Variants in RAVER2 observed in about 807,000 individuals in gnomAD.
The protein encoded by RAVER2 is ribonucleoprotein PTB-binding 2.
Under a neutral mutation model 78.1 loss-of-function variants are expected in RAVER2, and 46 were observed. The ratio of observed to expected loss-of-function variants is 0.59; its 90% CI spans 0.46 to 0.75. RAVER2 has a LOEUF of 0.75. Among genes scored for constraint, RAVER2 ranks in the 30% least tolerant of loss-of-function variants. The probability of loss-of-function intolerance (pLI) is 0.00; values close to 1 mark genes in which losing one functional copy is unlikely to be tolerated. For missense variants in RAVER2, 793 were observed against 837.5 expected, an observed-to-expected ratio of 0.95 and a Z score of 0.66; for synonymous variants, 311 against 313.3, an observed-to-expected ratio of 0.99 and a Z score of 0.08.
intron 5 of RAVER2, among the ~76,000 whole-genome samples, chr1:64,789,795 A>G (rs1411119898): frequency 6.6e-6 from 1 of 152,188 alleles, no homozygotes; most frequent in East Asian, 1.9e-4. Flanking sequence ...ACATGAATTT[A>G]TAGACCAAGG....
intron 11 of RAVER2, among the ~76,000 whole-genome samples, chr1:64,819,121 T>C (rs1238611065): frequency 6.6e-6 from 1 of 152,074 alleles, no homozygotes; most frequent in Non-Finnish European, 1.5e-5. Flanking sequence ...AATTACTAGA[T>C]AGTTGAAGAA....
intron 8 of RAVER2, 88 bp from the exon 9 acceptor site, chr1:64,807,117 AT>A: frequency 7.0e-7 from 1 of 1,436,306 alleles, no homozygotes; most frequent in Non-Finnish European, 9.3e-7. Flanking sequence ...GTTTCTCTGC[AT>A]TTTGCTCATA....
chr1:64,804,470 A>G (rs1424652137), intron 6 of RAVER2, among the ~76,000 whole-genome samples: 3 of 152,182 alleles, frequency 2.0e-5, no homozygotes, highest in African/African-American at 4.8e-5. Flanking sequence ...AATGAATAGA[A>G]TGTCACTGTC....
exon 3 of RAVER2, chr1:64,777,670 A>G: frequency 1.2e-6 from 2 of 1,613,932 alleles, no homozygotes; most frequent in East Asian, 2.2e-5. Context: ...CGCAATTCAG[A>G]TGTTTCATCA....
At chr1:64,774,447 C>T (rs1020100157) in intron 2 of RAVER2, among the ~76,000 whole-genome samples, 5 of 152,206 alleles carry the variant, frequency 3.3e-5, no homozygotes, top group African/African-American at 1.2e-4. Flanking sequence ...CTTTCCCCAT[C>T]GCTTGTTTTG....
In RAVER2 at chr1:64,830,795, C is replaced by T. The variant is rs1654107902; in HGVS notation, c.1930-44C>T. 3 of 1,501,518 alleles carry T rather than the reference C, an allele frequency of 2.0e-6. No individual in the cohort carries two copies. The East Asian group carries it at 6.9e-5, about 34-fold the overall frequency. The allele number at this position is 1,501,518 out of a possible 1,614,324, so 93.0% of individuals were successfully genotyped here. Reference sequence around the variant, plus strand: ...TTATAAATATCTTTAATGAATAAGCCAACTTTAGATTTTAAAACTAGCTGC... The same window carrying T: ...TTATAAATATCTTTAATGAATAAGCTAACTTTAGATTTTAAAACTAGCTGC... On this transcript the variant is annotated intron_variant, in intron 11 of 11. Transcript: ENST00000294428.
At position 64,804,634 on chromosome 1, in the gene RAVER2, T is replaced by C; in HGVS notation, c.1192-100T>C. ...TGAAATATGTTTAGAAGCAGTTACT[T>C]TTACTCAGATCGACTGGAGAATTGA... On this transcript the variant is annotated intron_variant, in intron 6 of 11. Transcript: ENST00000294428. 14 of 612,076 alleles carry C rather than the reference T, an allele frequency of 2.3e-5. No individual in the cohort carries two copies. In the South Asian group the frequency reaches 3.0e-4, roughly 13 times the overall value. 37.9% of individuals were successfully genotyped at this position (612,076 alleles called of 1,614,324 possible).
chr1:64,779,955 T>C (rs10493371), intron 3 of RAVER2, among the ~76,000 whole-genome samples: 15,257 of 152,002 alleles, frequency 0.1, 1,066 homozygotes, highest in East Asian at 0.28. Flanking sequence ...GGCTCTCATA[T>C]TGAACTGAAA....
intron 2 of RAVER2, among the ~76,000 whole-genome samples, chr1:64,772,558 A>C (rs1484075498): frequency 6.6e-6 from 1 of 152,142 alleles, no homozygotes; most frequent in African/African-American, 2.4e-5. Context: ...AGCAATGTTC[A>C]AGATAGAGAG....
chr1:64,832,728 C>CTAAGTATACTACCTA (rs1553157255), exon 12 of RAVER2: 1 of 152,144 alleles, frequency 6.6e-6, no homozygotes, highest in African/African-American at 2.4e-5. Context: ...AAGGTAATTT[C>CTAAGTATACTACCTA]TAAGTATACT....
chr1:64,802,252 C>T (rs981752826), intron 5 of RAVER2, among the ~76,000 whole-genome samples: 1 of 152,184 alleles, frequency 6.6e-6, no homozygotes, highest in Non-Finnish European at 1.5e-5. Flanking sequence ...CCTCCTGTCT[C>T]ATCCTATGAC....
At position 64,804,645 on chromosome 1, in the gene RAVER2, C is replaced by T. The variant is rs369404054; in HGVS notation, c.1192-89C>T. On this transcript the variant is annotated intron_variant, in intron 6 of 11. Coordinates refer to ENST00000294428, the Ensembl canonical transcript of RAVER2. ...TAGAAGCAGTTACTTTTACTCAGAT[C>T]GACTGGAGAATTGAACTTCAAAATG... 52 of 638,314 alleles carry T rather than the reference C, an allele frequency of 8.1e-5. 7 individuals carry two copies. The highest frequency in any genetic ancestry group is 2.0e-4 in the Admixed American group (7 of 34,390). 39.5% of individuals were successfully genotyped at this position (638,314 alleles called of 1,614,324 possible). A position where few individuals can be genotyped will look rare whatever the true frequency, so the allele number is the denominator to read the frequency against.
At chr1:64,762,526 A>C (rs1652050756) in intron 1 of RAVER2, among the ~76,000 whole-genome samples, 1 of 152,198 alleles carries the variant, frequency 6.6e-6, no homozygotes, top group Admixed American at 6.5e-5. Context: ...ATAAAGCTCA[A>C]ATAATTTGTT....
intron 4 of RAVER2, among the ~76,000 whole-genome samples, chr1:64,787,911 T>G (rs1331334786): frequency 6.6e-6 from 1 of 152,232 alleles, no homozygotes; most frequent in Non-Finnish European, 1.5e-5. Flanking sequence ...TGTCAGTTTC[T>G]TGGATGCATC....
chr1:64,830,773 T>C, intron 11 of RAVER2, 66 bp from the exon 12 acceptor site: 2 of 1,393,584 alleles, frequency 1.4e-6, no homozygotes, highest in Non-Finnish European at 2.0e-6. Flanking sequence ...GCTTTTCTTA[T>C]AAATATCTTT....
At chr1:64,761,657 A>G (rs1050636454) in intron 1 of RAVER2, among the ~76,000 whole-genome samples, 3 of 152,208 alleles carry the variant, frequency 2.0e-5, no homozygotes, top group South Asian at 4.1e-4. Flanking sequence ...GGAACAATAC[A>G]GGGATCACTG....
exon 6 of RAVER2, chr1:64,803,027 C>G (rs764101143): frequency 6.2e-7 from 1 of 1,608,386 alleles, no homozygotes; most frequent in Non-Finnish European, 8.5e-7. Flanking sequence ...CCATCCATCT[C>G]TCCTGCATTT....
exon 12 of RAVER2, chr1:64,830,986 G>A (rs1271488735): frequency 6.2e-7 from 1 of 1,612,190 alleles, no homozygotes; most frequent in Non-Finnish European, 8.5e-7. Context: ...AGTATACTGA[G>A]TTAAGCTCTC....
intron 3 of RAVER2, among the ~76,000 whole-genome samples, chr1:64,778,387 A>G (rs976678122): frequency 6.6e-6 from 1 of 152,094 alleles, no homozygotes; most frequent in Non-Finnish European, 1.5e-5. Flanking sequence ...TATCTATCCA[A>G]CTTTTATTTA....
Sources: allele counts gnomAD v4.1 joint callset (sites outside exome capture counted in the v4.1 genomes callset), GRCh38; gene constraint gnomAD v4.1.1; transcripts MANE v1.5; gene names NCBI Gene and HGNC (gene_info 2026-07-23, HGNC 2026-07-21).